CDH18: variants seen among roughly 807,000 people sequenced by gnomAD.
CDH18 encodes the protein cadherin-18.
CDH18 carries 31 observed loss-of-function variants against 67.9 expected under a neutral mutation model. The observed-to-expected ratio is 0.46, with a 90% confidence interval of 0.34 to 0.62. The LOEUF is 0.62. CDH18 is among the 20% of genes least tolerant of loss of function. The pLI is 0.01. For missense variants in CDH18, 890 were observed against 975.5 expected (o/e 0.91, Z 1.17); for synonymous variants, 362 against 347.2 (o/e 1.04, Z -0.48).
intron 2 of CDH18, among the ~76,000 whole-genome samples, chr5:20,175,738 G>C (rs1010669780): frequency 6.6e-6 from 1 of 152,038 alleles, no homozygotes; most frequent in African/African-American, 2.4e-5. Context: ...AGGCTGGGAG[G>C]CTAGGCCAGT....
chr5:20,280,789 G>A (rs930438040), intron 1 of CDH18, among the ~76,000 whole-genome samples: 10 of 152,044 alleles, frequency 6.6e-5, no homozygotes, highest in South Asian at 2.1e-4. Context: ...CCACACTGAC[G>A]TCCACAAGGG....
chr5:20,216,880 C>T (rs1216398979), intron 2 of CDH18, among the ~76,000 whole-genome samples: 1 of 151,810 alleles, frequency 6.6e-6, no homozygotes, highest in African/African-American at 2.4e-5. Context: ...GCAGAAAGAG[C>T]AAGAGCAAGG....
chr5:19,661,927 G>C (rs573804878), intron 5 of CDH18, among the ~76,000 whole-genome samples: 161 of 152,096 alleles, frequency 1.1e-3, no homozygotes, highest in African/African-American at 3.8e-3. Context: ...AACTCAGAGG[G>C]GAAGATACAA....
chr5:19,969,185 C>T (rs1475885459), intron 2 of CDH18, among the ~76,000 whole-genome samples: 1 of 148,662 alleles, frequency 6.7e-6, no homozygotes, highest in Non-Finnish European at 1.5e-5. Flanking sequence ...ATTAAAAAAT[C>T]AGGAAAGAAC....
intron 1 of CDH18, among the ~76,000 whole-genome samples, chr5:20,399,375 G>T (rs1344392937): frequency 6.6e-6 from 1 of 152,148 alleles, no homozygotes; most frequent in African/African-American, 2.4e-5. Flanking sequence ...AATATAAGAG[G>T]AATAAGAATG....
chr5:20,096,104 T>C (rs1240140779), intron 2 of CDH18, among the ~76,000 whole-genome samples: 1 of 152,062 alleles, frequency 6.6e-6, no homozygotes, highest in Non-Finnish European at 1.5e-5. Flanking sequence ...TTGACTAAAA[T>C]TCTGCAAAAC....
At chr5:20,120,880 A>C (rs1748299081) in intron 2 of CDH18, among the ~76,000 whole-genome samples, 1 of 152,168 alleles carries the variant, frequency 6.6e-6, no homozygotes, top group Admixed American at 6.5e-5. Flanking sequence ...CTGATCTGCT[A>C]TATTGATTAT....
intron 1 of CDH18, among the ~76,000 whole-genome samples, chr5:20,508,365 A>ATATG (rs1460774064): frequency 2.4e-5 from 3 of 122,664 alleles, no homozygotes; most frequent in South Asian, 2.6e-4. Context: ...ATATATATAT[A>ATATG]TGTATATTTA....
Position 20,387,773 on chromosome 5 carries a change from A to G in CDH18, c.-579-132268T>C, listed in dbSNP as rs151110737. On this transcript the variant is annotated intron_variant, in intron 1 of 14. Coordinates refer to the CDH18 transcript ENST00000507958. ...ACCTAATTTATTGAGAGTTTTTAGC[A>G]TGAAGGTTGTTGAATTTTGTCAAAG... is the stretch of plus-strand genomic sequence containing the variant. 3.3e-4 allele frequency among the ~76,000 whole-genome samples: 50 copies of G among 152,272 alleles called. No homozygotes were observed. In the East Asian group the frequency reaches 9.5e-3, roughly 29 times the overall value.
intron 5 of CDH18, among the ~76,000 whole-genome samples, chr5:19,717,867 C>G (rs1480741291): frequency 6.6e-6 from 1 of 151,782 alleles, no homozygotes; most frequent in Non-Finnish European, 1.5e-5. Flanking sequence ...CATCGTAGGC[C>G]CCTGTACCTT....
intron 8 of CDH18, among the ~76,000 whole-genome samples, chr5:19,560,406 G>A: frequency 6.6e-6 from 1 of 151,986 alleles, no homozygotes. Flanking sequence ...AATGTAAAGT[G>A]GGAAAAAGAT....
chr5:19,622,751 A>T (rs2150147228), intron 5 of CDH18, among the ~76,000 whole-genome samples: 1 of 152,254 alleles, frequency 6.6e-6, no homozygotes, highest in East Asian at 1.9e-4. Context: ...CTACTAAGGC[A>T]CTAGGCATCT....
intron 2 of CDH18, among the ~76,000 whole-genome samples, chr5:20,091,357 G>A (rs576590887): frequency 6.6e-6 from 1 of 152,042 alleles, no homozygotes; most frequent in Admixed American, 6.6e-5. Context: ...TGGGCACAGT[G>A]TCATGCACCT....
At chr5:20,130,078 A>ATTATTATTG (rs1554093995) in intron 2 of CDH18, among the ~76,000 whole-genome samples, 3,307 of 142,048 alleles carry the variant, frequency 0.023, 60 homozygotes, top group Admixed American at 0.042. Context: ...TATTATTGTT[A>ATTATTATTG]TTATTATTAT....
chr5:20,323,216 G>C (rs1738203142), intron 1 of CDH18, among the ~76,000 whole-genome samples: 1 of 152,068 alleles, frequency 6.6e-6, no homozygotes, highest in South Asian at 2.1e-4. Flanking sequence ...TTGTTCATTA[G>C]AATACAACTT....
intron 2 of CDH18, among the ~76,000 whole-genome samples, chr5:19,884,863 C>T (rs1023412737): frequency 6.6e-6 from 1 of 151,964 alleles, no homozygotes; most frequent in Non-Finnish European, 1.5e-5. Flanking sequence ...ATATGTAGTA[C>T]AGCAAGGTTA....
At chr5:20,408,097 G>A (rs1400944897) in intron 1 of CDH18, among the ~76,000 whole-genome samples, 1 of 151,840 alleles carries the variant, frequency 6.6e-6, no homozygotes, top group African/African-American at 2.4e-5. Flanking sequence ...AGGCCAAAAG[G>A]GCCTGGGATA....
chr5:19,604,032 T>C (rs1418816971), intron 6 of CDH18, among the ~76,000 whole-genome samples: 1 of 151,928 alleles, frequency 6.6e-6, no homozygotes, highest in East Asian at 1.9e-4. Context: ...ATGTGATCTT[T>C]TCACATAATT....
At chr5:20,375,499 T>C (rs1743340527) in intron 1 of CDH18, among the ~76,000 whole-genome samples, 1 of 152,266 alleles carries the variant, frequency 6.6e-6, no homozygotes, top group African/African-American at 2.4e-5. Flanking sequence ...GACACTACAA[T>C]AACAACAACA....
Sources: gnomAD v4.1 joint callset for allele counts (sites outside exome capture counted in the v4.1 genomes callset) on GRCh38, gnomAD v4.1.1 for gene constraint, MANE v1.5 for transcripts, NCBI Gene and HGNC (gene_info 2026-07-23, HGNC 2026-07-21) for gene names.